Variants in PTPRD observed in about 807,000 individuals in gnomAD.
PTPRD encodes the protein receptor-type tyrosine-protein phosphatase delta.
In PTPRD, 34 loss-of-function variants were observed where a neutral mutation model predicts 214.5. That is an observed-to-expected ratio of 0.16 (90% CI 0.12 to 0.21). PTPRD has a LOEUF of 0.21. Ranked by LOEUF, PTPRD falls within the 10% of genes least tolerant of loss-of-function variation. The probability of loss-of-function intolerance (pLI) is 1.00; values close to 1 mark genes in which losing one functional copy is unlikely to be tolerated. For synonymous variants in PTPRD, 1,128 were observed against 845.7 expected, an observed-to-expected ratio of 1.33 and a Z score of -5.79; for missense variants, 2,545 against 2,398.7, an observed-to-expected ratio of 1.06 and a Z score of -1.27.
chr9:9,585,801 AT>A (rs2091838806), intron 7 of PTPRD, among the ~76,000 whole-genome samples: 1 of 151,032 alleles, frequency 6.6e-6, no homozygotes, highest in Non-Finnish European at 1.5e-5. Flanking sequence ...CATCATTTGC[AT>A]TTGCCAGAGA....
Position 10,111,308 on chromosome 9 carries a change from G to A in PTPRD, c.-544-77518C>T, listed in dbSNP as rs1258280709. ...GGCTGGAGTGCAGTGGCGGGATCTC[G>A]GCTCACTGCAAGCTCCGCCTCCTGG... On this transcript the variant is annotated intron_variant, in intron 3 of 45. Coordinates refer to ENST00000381196, the MANE Select transcript of PTPRD (RefSeq NM_002839.4). Among the ~76,000 whole-genome samples the A allele has an allele frequency of 6.5e-4, 84 of 129,888 alleles. 3 individuals are homozygous for A. The highest frequency in any genetic ancestry group is 2.0e-3 in the African/African-American group (67 of 32,852). The allele number at this position is 129,888 out of a possible 152,430, so 85.2% of individuals were successfully genotyped here.
chr9:10,476,422 A>G (rs2099062948), intron 2 of PTPRD, among the ~76,000 whole-genome samples: 1 of 152,114 alleles, frequency 6.6e-6, no homozygotes, highest in African/African-American at 2.4e-5. Flanking sequence ...TAGAAATACA[A>G]CTTACAAGGG....
intron 4 of PTPRD, among the ~76,000 whole-genome samples, chr9:9,969,525 GC>G (rs1315340305): frequency 2.0e-5 from 3 of 152,174 alleles, no homozygotes; most frequent in African/African-American, 7.2e-5. Context: ...AGTCTTGGAA[GC>G]AAAAAGATTT....
chr9:8,938,088 AT>A (rs1215221723), intron 11 of PTPRD, among the ~76,000 whole-genome samples: 11 of 152,208 alleles, frequency 7.2e-5, no homozygotes, highest in South Asian at 2.1e-4. Context: ...AACATGAAGT[AT>A]TGCAAAAGGA....
chr9:10,082,096 C>A (rs1020471933), intron 3 of PTPRD, among the ~76,000 whole-genome samples: 3 of 151,986 alleles, frequency 2.0e-5, no homozygotes, highest in African/African-American at 4.8e-5. Context: ...AATGTGTTGG[C>A]TCCATACAAA....
At chr9:8,877,909 T>C (rs1030212753) in intron 11 of PTPRD, among the ~76,000 whole-genome samples, 11 of 152,142 alleles carry the variant, frequency 7.2e-5, no homozygotes, top group Non-Finnish European at 1.3e-4. Context: ...GAGGTGTCTA[T>C]GGGCATAACT....
intron 7 of PTPRD, among the ~76,000 whole-genome samples, chr9:9,659,962 T>A (rs1435989094): frequency 6.6e-6 from 1 of 152,066 alleles, no homozygotes; most frequent in African/African-American, 2.4e-5. Flanking sequence ...CATATATTAC[T>A]CTCTTCTGGG....
chr9:8,841,775 G>A (rs2097563145), intron 11 of PTPRD, among the ~76,000 whole-genome samples: 1 of 151,782 alleles, frequency 6.6e-6, no homozygotes, highest in African/African-American at 2.4e-5. Flanking sequence ...ACTTTGGGAG[G>A]CCAAGGCGGG....
chr9:9,620,100 A>G (rs115318867), intron 7 of PTPRD, among the ~76,000 whole-genome samples: 2 of 152,010 alleles, frequency 1.3e-5, no homozygotes, highest in African/African-American at 2.4e-5. Context: ...GAATTTTCCA[A>G]TTGCCTGGGA....
chr9:9,910,833 G>C (rs1336925358), intron 5 of PTPRD, among the ~76,000 whole-genome samples: 1 of 151,984 alleles, frequency 6.6e-6, no homozygotes, highest in African/African-American at 2.4e-5. Context: ...ATAATACTTG[G>C]AAAACTGAGA....
chr9:9,915,230 C>T (rs1472698224), intron 5 of PTPRD, among the ~76,000 whole-genome samples: 1 of 152,086 alleles, frequency 6.6e-6, no homozygotes, highest in South Asian at 2.1e-4. Context: ...TTCGTATGAA[C>T]ATATCTTTCC....
intron 35 of PTPRD, among the ~76,000 whole-genome samples, chr9:8,411,652 A>G (rs2093538221): frequency 6.6e-6 from 1 of 152,218 alleles, no homozygotes; most frequent in Non-Finnish European, 1.5e-5. Context: ...ATATTACTAA[A>G]TGCAGAAGAA....
chr9:10,046,895 ATG>A (rs2097408464), intron 3 of PTPRD, among the ~76,000 whole-genome samples: 1 of 152,052 alleles, frequency 6.6e-6, no homozygotes, highest in African/African-American at 2.4e-5. Context: ...TCATATAAAA[ATG>A]TGTTTTGCAC....
chr9:8,324,578 T>C (rs909479888), intron 44 of PTPRD, among the ~76,000 whole-genome samples: 2 of 152,208 alleles, frequency 1.3e-5, no homozygotes, highest in Admixed American at 1.3e-4. Flanking sequence ...CATGTGTCTT[T>C]GTAGTAGAAT....
chr9:9,412,411 T>A (rs1441198717), intron 8 of PTPRD, among the ~76,000 whole-genome samples: 1 of 152,152 alleles, frequency 6.6e-6, no homozygotes. Flanking sequence ...CTGCAGCCAC[T>A]GTGGTTGCCT....
At chr9:8,745,500 G>C (rs985491649) in intron 11 of PTPRD, among the ~76,000 whole-genome samples, 7 of 152,156 alleles carry the variant, frequency 4.6e-5, no homozygotes, top group African/African-American at 1.7e-4. Flanking sequence ...GAAGGTATTT[G>C]GCAGTCACTG....
At position 8,315,864 on chromosome 9, in the gene PTPRD, G is replaced by T; in HGVS notation, c.*2010C>A. 4.5e-6 allele frequency: 1 copy of T among 224,666 alleles called. No individual in the cohort carries two copies. Among genetic ancestry groups the T allele is most frequent in the East Asian group, 6.5e-5 (1 of 15,454 alleles). The allele number at this position is 224,666 out of a possible 1,614,324, so 13.9% of individuals were successfully genotyped here. Reference sequence around the variant, plus strand: ...TATTTTGAGGATTATTTAAAATCATGTAATATGTGGCAAACTTATGCCATC... The same window carrying T: ...TATTTTGAGGATTATTTAAAATCATTTAATATGTGGCAAACTTATGCCATC... On this transcript the variant is annotated 3_prime_UTR_variant, in exon 46 of 46. Coordinates refer to ENST00000381196, the MANE Select transcript of PTPRD (RefSeq NM_002839.4).
chr9:9,507,218 T>C (rs2096590266), intron 8 of PTPRD, among the ~76,000 whole-genome samples: 1 of 151,124 alleles, frequency 6.6e-6, no homozygotes, highest in Non-Finnish European at 1.5e-5. Flanking sequence ...GTCAATTTTG[T>C]CTGAAAAGAA....
At chr9:9,664,655 T>A (rs1230114663) in intron 7 of PTPRD, among the ~76,000 whole-genome samples, 1 of 151,718 alleles carries the variant, frequency 6.6e-6, no homozygotes, top group East Asian at 1.9e-4. Flanking sequence ...AGTAGAAGAA[T>A]AAATTGTATC....
Sources: gnomAD v4.1 joint callset for allele counts (sites outside exome capture counted in the v4.1 genomes callset) on GRCh38, gnomAD v4.1.1 for gene constraint, MANE v1.5 for transcripts, NCBI Gene and HGNC (gene_info 2026-07-23, HGNC 2026-07-21) for gene names.